The following FUT9 variants were observed in gnomAD, a reference collection of about 807,000 sequenced individuals.
The protein encoded by FUT9 is fucosyltransferase 9, also known as 4-galactosyl-N-acetylglucosaminide 3-alpha-L-fucosyltransferase 9.
FUT9 carries 15 observed loss-of-function variants against 29.7 expected under a neutral mutation model. That is an observed-to-expected ratio of 0.51 (90% CI 0.34 to 0.78). FUT9 has a LOEUF of 0.78. Ranked by LOEUF, FUT9 falls within the 30% of genes least tolerant of loss-of-function variation. The pLI is 0.01. For synonymous variants in FUT9, 169 were observed against 153.7 expected (o/e 1.10, Z -0.74); for missense variants, 319 against 425.4 (o/e 0.75, Z 2.20).
rs115913703 is a variant in FUT9 at position 96,074,049 on chromosome 6, G to A, written c.-97-39990G>A. 1.0e-3 allele frequency among the ~76,000 whole-genome samples: 158 copies of A among 152,182 alleles called. 1 individual carries two copies. The highest frequency in any genetic ancestry group is 3.7e-3 in the African/African-American group (155 of 41,498). On this transcript the variant is annotated intron_variant, in intron 1 of 2. Coordinates refer to ENST00000302103, the MANE Select transcript of FUT9 (RefSeq NM_006581.4). ...TTAAAATAATAAAAAATATCTACTA[G>A]TGAGAAGGTTGCAAACCATTAGCCC...
chr6:96,058,976 T>C (rs952625843), intron 1 of FUT9, among the ~76,000 whole-genome samples: 5 of 152,200 alleles, frequency 3.3e-5, no homozygotes, highest in African/African-American at 4.8e-5. Flanking sequence ...AAAACAGTAA[T>C]GGCAGTTGCA....
At chr6:96,148,571 T>C (rs1390825593) in intron 2 of FUT9, among the ~76,000 whole-genome samples, 2 of 152,164 alleles carry the variant, frequency 1.3e-5, no homozygotes, top group East Asian at 3.9e-4. Flanking sequence ...ATTGACCCTA[T>C]CAAAACACTT....
Position 96,091,843 on chromosome 6 carries a change from C to T in FUT9, c.-97-22196C>T, listed in dbSNP as rs1419700110. Among the ~76,000 whole-genome samples, 5 of 152,006 alleles carry T rather than the reference C, an allele frequency of 3.3e-5. No homozygotes were observed. The East Asian group carries it at 9.6e-4, about 29-fold the overall frequency. ...GCTTTGCCAAGTCCAGATGGTATTA[C>T]AAGCAAGTTTTATTGAATCTTTAAG... On this transcript the variant is annotated intron_variant, in intron 1 of 2. Transcript: ENST00000302103.
intron 1 of FUT9, among the ~76,000 whole-genome samples, chr6:96,076,769 C>T (rs892925554): frequency 2.0e-5 from 3 of 152,176 alleles, no homozygotes; most frequent in Admixed American, 2.0e-4. Context: ...GGGCAGTTGA[C>T]ATGTTTCTAA....
intron 1 of FUT9, among the ~76,000 whole-genome samples, chr6:96,075,241 G>A (rs1332909542): frequency 6.6e-6 from 1 of 152,148 alleles, no homozygotes; most frequent in South Asian, 2.1e-4. Context: ...TGTGTTAGGA[G>A]CCAAGTTTGA....
Position 96,137,147 on chromosome 6 carries a change from A to C in FUT9, c.-9+23020A>C, listed in dbSNP as rs991528073. Among the ~76,000 whole-genome samples, 10 of 152,046 alleles carry C rather than the reference A, an allele frequency of 6.6e-5. No homozygotes were observed. In the South Asian group the frequency reaches 1.4e-3, roughly 22 times the overall value. ...ATTATGAGGTGCTGTAAGGCATGGA[A>C]ACCATGAGACACAACAGTGAAGTGT... On this transcript the variant is annotated intron_variant, in intron 2 of 2. Coordinates refer to ENST00000302103, the MANE Select transcript of FUT9 (RefSeq NM_006581.4).
At chr6:96,032,255 T>C (rs548788492) in intron 1 of FUT9, among the ~76,000 whole-genome samples, 1 of 151,814 alleles carries the variant, frequency 6.6e-6, no homozygotes, top group South Asian at 2.1e-4. Context: ...TGAGCCTCTT[T>C]TTAATGGCTG....
chr6:96,078,958 A>G (rs1205380887), intron 1 of FUT9, among the ~76,000 whole-genome samples: 1 of 152,006 alleles, frequency 6.6e-6, no homozygotes, highest in East Asian at 1.9e-4. Context: ...AAGACTCCTT[A>G]ATCTTCTTAT....
At chr6:96,184,173 T>G (rs1773363158) in intron 2 of FUT9, among the ~76,000 whole-genome samples, 1 of 152,096 alleles carries the variant, frequency 6.6e-6, no homozygotes, top group Non-Finnish European at 1.5e-5. Context: ...TGATTTAAGC[T>G]AGGAGGGTTG....
chr6:96,207,771 C>A lies in FUT9; in HGVS notation c.*3536C>A, dbSNP rs1200169871. 1 of 166,804 alleles carries A rather than the reference C, an allele frequency of 6.0e-6. No individual in the cohort carries two copies. Among genetic ancestry groups the A allele is most frequent in the Non-Finnish European group, 1.5e-5 (1 of 68,010 alleles). The allele number at this position is 166,804 out of a possible 1,614,324, so 10.3% of individuals were successfully genotyped here. A position where few individuals can be genotyped will look rare whatever the true frequency, so the allele number is the denominator to read the frequency against. On this transcript the variant is annotated 3_prime_UTR_variant, in exon 3 of 3. Coordinates refer to ENST00000302103, the MANE Select transcript of FUT9 (RefSeq NM_006581.4). ...TTTCAAAATATCGAAAAGCTATTACCTTCAATACTCTAAATATTTAAATAT... is the reference window on the plus strand; with the variant it reads ...TTTCAAAATATCGAAAAGCTATTACATTCAATACTCTAAATATTTAAATAT...
chr6:96,111,217 T>C (rs1465672715), intron 1 of FUT9, among the ~76,000 whole-genome samples: 2 of 152,176 alleles, frequency 1.3e-5, no homozygotes, highest in Non-Finnish European at 2.9e-5. Flanking sequence ...TACATTAAAA[T>C]AATGCTTTAA....
At chr6:96,063,328 T>A (rs1203407861) in intron 1 of FUT9, among the ~76,000 whole-genome samples, 1 of 152,138 alleles carries the variant, frequency 6.6e-6, no homozygotes, top group African/African-American at 2.4e-5. Flanking sequence ...TCTGCTCAGC[T>A]TCTGGGGAGG....
chr6:96,094,963 T>A (rs1771470924), intron 1 of FUT9, among the ~76,000 whole-genome samples: 1 of 152,086 alleles, frequency 6.6e-6, no homozygotes, highest in Non-Finnish European at 1.5e-5. Context: ...GTGTACACGG[T>A]ACCCAAAGTG....
chr6:96,126,101 T>A (rs1363652065), intron 2 of FUT9, among the ~76,000 whole-genome samples: 2 of 152,140 alleles, frequency 1.3e-5, no homozygotes, highest in African/African-American at 4.8e-5. Context: ...TCGGCGCAGG[T>A]TAAAACTCGT....
At chr6:96,051,613 A>G (rs1030472171) in intron 1 of FUT9, among the ~76,000 whole-genome samples, 1 of 152,122 alleles carries the variant, frequency 6.6e-6, no homozygotes, top group Admixed American at 6.6e-5. Flanking sequence ...AGATTCTGCC[A>G]CTGCACTCCA....
At chr6:96,140,109 T>G (rs1218590822) in intron 2 of FUT9, among the ~76,000 whole-genome samples, 1 of 152,152 alleles carries the variant, frequency 6.6e-6, no homozygotes, top group African/African-American at 2.4e-5. Flanking sequence ...TTATCTCTCT[T>G]AAGTTCAAAG....
chr6:96,203,467 T>C lies in FUT9; in HGVS notation c.312T>C (p.His104=). 1 of 1,609,128 alleles carries C rather than the reference T, an allele frequency of 6.2e-7. No individual in the cohort carries two copies. The highest frequency in any genetic ancestry group is 2.2e-5 in the East Asian group (1 of 44,842). ...ACCGTTCACTGTACAACAAATCCCA[T>C]GCAGTTCTGATCCATCACCGAGACA... ...TTDRSLYNKS[H]AVLIHHRDIS... The change falls in exon 3 of 3, where the codon CAT becomes CAC. Residue 104 remains histidine, a synonymous_variant. Coordinates refer to ENST00000302103, the MANE Select transcript of FUT9 (RefSeq NM_006581.4).
In FUT9 at chr6:96,172,185, G is replaced by A. The variant is rs555110112; in HGVS notation, c.-8-30963G>A. ...ACTAATTCTATTTATGGGAGAGGGG[G>A]CTTCATTCTCAGGACCTAATGAATT... On this transcript the variant is annotated intron_variant, in intron 2 of 2. Coordinates refer to ENST00000302103, the MANE Select transcript of FUT9 (RefSeq NM_006581.4). 9.9e-5 allele frequency among the ~76,000 whole-genome samples: 15 copies of A among 152,196 alleles called. 1 individual carries two copies. Among genetic ancestry groups the A allele is most frequent in the Admixed American group, 4.6e-4 (7 of 15,260 alleles).
intron 2 of FUT9, among the ~76,000 whole-genome samples, chr6:96,170,623 AT>A (rs1562150735): frequency 3.3e-5 from 5 of 152,074 alleles, no homozygotes. Flanking sequence ...ACTTAGAATC[AT>A]TGCCTTCTAG....
Sources: allele counts gnomAD v4.1 joint callset (sites outside exome capture counted in the v4.1 genomes callset), GRCh38; gene constraint gnomAD v4.1.1; transcripts MANE v1.5; gene names NCBI Gene and HGNC (gene_info 2026-07-23, HGNC 2026-07-21).